Variants in CNOT1 observed in about 807,000 individuals in gnomAD.
The protein encoded by CNOT1 is CCR4-NOT transcription complex subunit 1.
CNOT1 carries 15 observed loss-of-function variants against 273.8 expected under a neutral mutation model. The observed-to-expected ratio is 0.05, with a 90% confidence interval of 0.04 to 0.08. The LOEUF (loss-of-function observed/expected upper bound fraction) is 0.08. Among genes scored for constraint, CNOT1 ranks in the 10% least tolerant of loss-of-function variants. The pLI, the probability that CNOT1 is intolerant of heterozygous loss-of-function variation, is 1.00. For missense variants in CNOT1, 1,644 were observed against 2,912.2 expected (o/e 0.56, Z 10.02); for synonymous variants, 1,022 against 1,005.5 (o/e 1.02, Z -0.31).
chr16:58,550,313 T>C (rs1026190285), intron 24 of CNOT1, among the ~76,000 whole-genome samples: 1 of 152,196 alleles, frequency 6.6e-6, no homozygotes, highest in African/African-American at 2.4e-5. Flanking sequence ...TAGTTGACCC[T>C]TGAACAAGGA....
At chr16:58,530,397 A>G (rs1243059724) in intron 42 of CNOT1, 50 bp from the exon 43 acceptor site, 1 of 1,399,274 alleles carries the variant, frequency 7.1e-7, no homozygotes, top group East Asian at 2.3e-5. Context: ...GCTGTTTTTC[A>G]GCCACTACAA....
intron 30 of CNOT1, among the ~76,000 whole-genome samples, chr16:58,545,107 T>C (rs2040213940): frequency 6.6e-6 from 1 of 152,250 alleles, no homozygotes; most frequent in Non-Finnish European, 1.5e-5. Context: ...TGTGATTTTA[T>C]TGCTAGCTAA....
rs1313763771 is a variant in CNOT1, at chr16:58,580,390, A to G, written c.1343+243T>C. 4.6e-5 allele frequency among the ~76,000 whole-genome samples: 7 copies of G among 152,184 alleles called. No homozygotes were observed. The South Asian group carries it at 1.5e-3, about 32-fold the overall frequency. On this transcript the variant is annotated intron_variant, in intron 12 of 48. Coordinates refer to ENST00000317147, the MANE Select transcript of CNOT1 (RefSeq NM_016284.5). ...GAAGTACAAATCTTTCCAACATTTG[A>G]TACTTTCAGATTTGATGCTTTTAAA...
chr16:58,524,230 T>G (rs37052), intron 46 of CNOT1, among the ~76,000 whole-genome samples: 3 of 142,876 alleles, frequency 2.1e-5, no homozygotes, highest in African/African-American at 5.3e-5. Context: ...AGCCTGGGTG[T>G]GAGAGCAAGA....
intron 17 of CNOT1, 106 bp downstream of exon 17, chr16:58,560,106 G>C (rs569630825): frequency 7.2e-6 from 11 of 1,535,754 alleles, no homozygotes; most frequent in Non-Finnish European, 9.6e-6. Context: ...TAGACATGCA[G>C]TTATCTAAAA....
chr16:58,545,650 G>C (rs1211609514), intron 29 of CNOT1, among the ~76,000 whole-genome samples, 159 bp from the exon 30 acceptor site: 1 of 152,202 alleles, frequency 6.6e-6, no homozygotes, highest in Non-Finnish European at 1.5e-5. Flanking sequence ...CCCTGAAAGG[G>C]AAATTCTGTT....
rs544230014 is a variant in CNOT1, at chr16:58,526,202, C to T, written c.6454-64G>A. ...TTTTTATTAGTAAATTACATCTATG[C>T]TTAAGTGGTGGGACTGTTTTTCTAA... On this transcript the variant is annotated intron_variant, in intron 44 of 48. Transcript: ENST00000317147. The T allele has an allele frequency of 1.9e-6, 3 of 1,573,930 alleles. No individual in the cohort carries two copies. In the African/African-American group the frequency reaches 4.0e-5, roughly 21 times the overall value.
intron 2 of CNOT1, among the ~76,000 whole-genome samples, chr16:58,590,919 T>C (rs1391522335): frequency 1.3e-5 from 2 of 152,220 alleles, no homozygotes; most frequent in African/African-American, 2.4e-5. Context: ...CAGAGACTAA[T>C]AGGTTCCAAA....
At chr16:58,628,863 G>T (rs557077216) in intron 1 of CNOT1, among the ~76,000 whole-genome samples, 1 of 152,192 alleles carries the variant, frequency 6.6e-6, no homozygotes. Context: ...GAGCCCTCTT[G>T]GGTGAATTCT....
At chr16:58,619,211 C>CAG (rs2043211452) in intron 1 of CNOT1, among the ~76,000 whole-genome samples, 1 of 151,974 alleles carries the variant, frequency 6.6e-6, no homozygotes, top group African/African-American at 2.4e-5. Flanking sequence ...AACAAAATAA[C>CAG]AGAGAGTAGC....
intron 2 of CNOT1, among the ~76,000 whole-genome samples, chr16:58,591,653 C>G (rs1232476631): frequency 6.6e-6 from 1 of 151,668 alleles, no homozygotes; most frequent in Non-Finnish European, 1.5e-5. Context: ...ACTCAGGAGG[C>G]TGAGGCTGGA....
intron 16 of CNOT1, among the ~76,000 whole-genome samples, chr16:58,569,524 A>AAC (rs1169179259): frequency 6.6e-6 from 1 of 152,096 alleles, no homozygotes. Flanking sequence ...GCAAAAAAAA[A>AAC]AACCAAAAAA....
chr16:58,622,962 C>A (rs8056834), intron 1 of CNOT1, among the ~76,000 whole-genome samples: 7,523 of 152,090 alleles, frequency 0.049, 251 homozygotes, highest in Middle Eastern at 0.088. Context: ...CTTAGGGAGG[C>A]CAAGGCAGGC....
chr16:58,529,478 C>G (rs1011743621), intron 43 of CNOT1, among the ~76,000 whole-genome samples: 2 of 151,924 alleles, frequency 1.3e-5, no homozygotes, highest in South Asian at 2.1e-4. Flanking sequence ...AGCCAAAAGA[C>G]TGGAAGAGGA....
At chr16:58,526,249 C>A in intron 44 of CNOT1, 111 bp from the exon 45 acceptor site, 1 of 1,034,850 alleles carries the variant, frequency 9.7e-7, no homozygotes, top group Non-Finnish European at 1.4e-6. Flanking sequence ...CTATAAATGC[C>A]TTGAAGAGCA....
intron 18 of CNOT1, 141 bp downstream of exon 18, chr16:58,558,332 A>C (rs756606200): frequency 1.1e-5 from 16 of 1,411,184 alleles, no homozygotes; most frequent in Non-Finnish European, 1.5e-5. Flanking sequence ...TCTTTTCCCA[A>C]CTTTGGATAC....
chr16:58,531,875 C>G, intron 42 of CNOT1, 83 bp downstream of exon 42: 1 of 1,480,662 alleles, frequency 6.8e-7, no homozygotes, highest in East Asian at 2.3e-5. Flanking sequence ...TACTAAATGA[C>G]TAATAGAAAT....
At position 58,560,106 on chromosome 16, in the gene CNOT1, G is replaced by T. The variant is rs569630825; in HGVS notation, c.2130+106C>A. ...AAAATAAGTGGATGCTAGACATGCA[G>T]TTATCTAAAATGTAATAAATTCAGA... On this transcript the variant is annotated intron_variant, in intron 17 of 48. Transcript: ENST00000317147. 6 of 1,535,870 alleles carry T rather than the reference G, an allele frequency of 3.9e-6. No homozygotes were observed. In the South Asian group the frequency reaches 5.2e-5, roughly 13 times the overall value.
chr16:58,567,328 A>G (rs1210208987), intron 16 of CNOT1, among the ~76,000 whole-genome samples: 3 of 151,956 alleles, frequency 2.0e-5, no homozygotes, highest in Non-Finnish European at 2.9e-5. Flanking sequence ...CAACAACAAA[A>G]AGAAATAATG....
Sources: gnomAD v4.1 joint callset for allele counts (sites outside exome capture counted in the v4.1 genomes callset) on GRCh38, gnomAD v4.1.1 for gene constraint, MANE v1.5 for transcripts, NCBI Gene and HGNC (gene_info 2026-07-23, HGNC 2026-07-21) for gene names.